Variants in RPS6KC1 observed in about 807,000 individuals in gnomAD.
RPS6KC1 encodes inactive ribosomal protein S6 kinase delta-1.
A neutral mutation model predicts 103.8 loss-of-function variants in RPS6KC1; 54 were observed. The observed-to-expected ratio is 0.52, with a 90% CI of 0.42 to 0.65. The LOEUF (loss-of-function observed/expected upper bound fraction) is 0.65. RPS6KC1 is among the 30% of genes least tolerant of loss of function. The pLI, the probability that RPS6KC1 is intolerant of heterozygous loss-of-function variation, is 0.00. For synonymous variants in RPS6KC1, 439 were observed against 438.7 expected, an observed-to-expected ratio of 1.00 and a Z score of -0.01; for missense variants, 1,151 against 1,253.8, an observed-to-expected ratio of 0.92 and a Z score of 1.24.
the RPS6KC1 span, among the ~76,000 whole-genome samples, chr1:213,443,485 C>T: frequency 6.6e-6 from 1 of 152,110 alleles, no homozygotes; most frequent in African/African-American, 2.4e-5. Flanking sequence ...TACATTTTAG[C>T]CAGGGGTCCT....
chr1:213,269,473 A>G (rs1573738105), intron 14 of RPS6KC1, among the ~76,000 whole-genome samples: 1 of 152,324 alleles, frequency 6.6e-6, no homozygotes, highest in Admixed American at 6.5e-5. Context: ...CGGAACACAC[A>G]TTCTTATCAA....
chr1:213,381,430 C>T, the RPS6KC1 span, among the ~76,000 whole-genome samples: 1 of 151,882 alleles, frequency 6.6e-6, no homozygotes, highest in Non-Finnish European at 1.5e-5. Context: ...ATCTAGTTCC[C>T]AACATGTGAT....
the RPS6KC1 span, among the ~76,000 whole-genome samples, chr1:213,860,935 A>G: frequency 3.3e-5 from 5 of 151,824 alleles, no homozygotes; most frequent in Non-Finnish European, 7.4e-5. Flanking sequence ...CAGCCTCCCA[A>G]GTAGCTGATA....
intron 6 of RPS6KC1, among the ~76,000 whole-genome samples, chr1:213,160,461 T>G (rs968064020): frequency 2.6e-5 from 4 of 152,236 alleles, no homozygotes; most frequent in Admixed American, 2.6e-4. Flanking sequence ...CCTGTATTCC[T>G]TTTGTTTGCA....
the RPS6KC1 span, among the ~76,000 whole-genome samples, chr1:213,701,933 T>G: frequency 3.9e-5 from 6 of 151,986 alleles, no homozygotes; most frequent in Admixed American, 1.3e-4. Context: ...CTCTGATGTT[T>G]GTTATTTCTT....
At chr1:213,602,045 TTTC>T in the RPS6KC1 span, among the ~76,000 whole-genome samples, 1 of 68,230 alleles carries the variant, frequency 1.5e-5, no homozygotes, top group Non-Finnish European at 3.1e-5. Flanking sequence ...TCTTTCTTTC[TTTC>T]TTTCTTTCTC....
the RPS6KC1 span, among the ~76,000 whole-genome samples, chr1:213,828,742 G>A: frequency 9.3e-4 from 142 of 152,292 alleles, 1 homozygote; most frequent in African/African-American, 3.2e-3. Flanking sequence ...ACACTTGCCC[G>A]AAGTCACAGA....
At chr1:213,519,738 C>T in the RPS6KC1 span, among the ~76,000 whole-genome samples, 4 of 152,306 alleles carry the variant, frequency 2.6e-5, no homozygotes, top group Admixed American at 1.3e-4. Flanking sequence ...TTCAGCAGAT[C>T]TAAAGAGCAG....
intron 6 of RPS6KC1, among the ~76,000 whole-genome samples, chr1:213,152,465 G>T (rs1483285670): frequency 2.1e-5 from 3 of 145,728 alleles, no homozygotes; most frequent in African/African-American, 7.7e-5. Flanking sequence ...CGGGCGGAGG[G>T]GCTCCTCACT....
the RPS6KC1 span, among the ~76,000 whole-genome samples, chr1:213,785,892 CA>C: frequency 6.6e-6 from 1 of 152,060 alleles, no homozygotes; most frequent in Admixed American, 6.6e-5. Flanking sequence ...AGGTGATGAT[CA>C]AAAAAATTGA....
the RPS6KC1 span, among the ~76,000 whole-genome samples, chr1:213,377,016 C>T: frequency 4.6e-5 from 7 of 152,176 alleles, no homozygotes; most frequent in African/African-American, 1.7e-4. Flanking sequence ...GTAAGAGTCG[C>T]CAAACCACTA....
the RPS6KC1 span, among the ~76,000 whole-genome samples, chr1:213,481,770 G>A: frequency 0.05 from 7,566 of 152,182 alleles, 613 homozygotes; most frequent in African/African-American, 0.17. Flanking sequence ...AATGTGCTAT[G>A]ATTATACATA....
At chr1:213,725,343 A>G in the RPS6KC1 span, among the ~76,000 whole-genome samples, 1 of 152,222 alleles carries the variant, frequency 6.6e-6, no homozygotes, top group East Asian at 1.9e-4. Flanking sequence ...TCTCAATTAC[A>G]ATGAAGTCTT....
At chr1:213,344,612 G>A in the RPS6KC1 span, among the ~76,000 whole-genome samples, 1 of 151,832 alleles carries the variant, frequency 6.6e-6, no homozygotes, top group Non-Finnish European at 1.5e-5. Flanking sequence ...CAGGCTTACT[G>A]CAACCTCTGC....
At position 213,230,483 on chromosome 1, in the gene RPS6KC1, T is replaced by C. The variant is rs748125732; in HGVS notation, c.1045-14T>C. ...TGTATTGTTAATAAATTATTACTCG[T>C]GTCTTTTATGTAGGTTTTACTTGTA... is the stretch of plus-strand genomic sequence containing the variant. On this transcript the variant is annotated splice_polypyrimidine_tract_variant and intron_variant, in intron 8 of 14. Coordinates refer to ENST00000366960, the MANE Select transcript of RPS6KC1 (RefSeq NM_012424.6). 1 of 1,565,894 alleles carries C rather than the reference T, an allele frequency of 6.4e-7. No homozygotes were observed. Among genetic ancestry groups the C allele is most frequent in the East Asian group, 2.3e-5 (1 of 43,982 alleles).
chr1:213,101,157 G>T lies in RPS6KC1; in HGVS notation c.263-3297G>T, dbSNP rs116547371. Among the ~76,000 whole-genome samples, 455 of 152,196 alleles carry T rather than the reference G, an allele frequency of 3.0e-3. 2 individuals are homozygous for T. The highest frequency in any genetic ancestry group is 9.6e-3 in the African/African-American group (397 of 41,538). On this transcript the variant is annotated intron_variant, in intron 3 of 14. Coordinates refer to ENST00000366960, the MANE Select transcript of RPS6KC1 (RefSeq NM_012424.6). Reference sequence around the variant, plus strand: ...TGAGGTGGTGTCTCATTATGGTTTCGATTTGCATTTTTCTAATGATCAGTG... The same window carrying T: ...TGAGGTGGTGTCTCATTATGGTTTCTATTTGCATTTTTCTAATGATCAGTG...
At chr1:213,659,247 G>A in the RPS6KC1 span, among the ~76,000 whole-genome samples, 2 of 152,104 alleles carry the variant, frequency 1.3e-5, no homozygotes, top group African/African-American at 4.8e-5. Context: ...TTACAGGTGT[G>A]AGCCACCACA....
At chr1:213,100,444 A>AT (rs1292375334) in intron 3 of RPS6KC1, among the ~76,000 whole-genome samples, 1 of 152,162 alleles carries the variant, frequency 6.6e-6, no homozygotes, top group Non-Finnish European at 1.5e-5. Flanking sequence ...ACATTAGTTT[A>AT]TTTTAGATTC....
At chr1:213,619,100 A>G in the RPS6KC1 span, among the ~76,000 whole-genome samples, 18 of 152,350 alleles carry the variant, frequency 1.2e-4, no homozygotes, top group Admixed American at 2.6e-4. Flanking sequence ...CATAGAAAGA[A>G]GCTCTAATTT....
Sources: gnomAD v4.1 joint callset for allele counts (sites outside exome capture counted in the v4.1 genomes callset) on GRCh38, gnomAD v4.1.1 for gene constraint, MANE v1.5 for transcripts, NCBI Gene and HGNC (gene_info 2026-07-23, HGNC 2026-07-21) for gene names.